The following FMO3 variants were observed in gnomAD, a reference collection of about 807,000 sequenced individuals.
FMO3 encodes flavin containing dimethylaniline monoxygenase 3.
Under a neutral mutation model 39.4 loss-of-function variants are expected in FMO3, and 40 were observed. The observed-to-expected ratio is 1.02, with a 90% CI of 0.79 to 1.32. FMO3 has a LOEUF of 1.32. FMO3 is among the 40% of genes most tolerant of loss of function. FMO3 has a pLI of 0.00. For missense variants in FMO3, 680 were observed against 651.8 expected (o/e 1.04, Z -0.47); for synonymous variants, 219 against 228.8 (o/e 0.96, Z 0.39).
rs74121637 is a variant in FMO3 at position 171,091,714 on chromosome 1, A to G, written c.-7+733A>G. On this transcript the variant is annotated intron_variant, in intron 1 of 8. Coordinates refer to ENST00000367755, the MANE Select transcript of FMO3 (RefSeq NM_001002294.3). ...AGCGATACCCCAGCTCAACAGGACT[A>G]TATAATCCCAGAGTAGCTGGGACTA... 2.2e-3 allele frequency among the ~76,000 whole-genome samples: 336 copies of G among 152,156 alleles called. 2 individuals are homozygous for G. Among genetic ancestry groups the G allele is most frequent in the African/African-American group, 7.8e-3 (323 of 41,504 alleles).
At chr1:171,098,660 A>C (rs1301308681) in intron 2 of FMO3, among the ~76,000 whole-genome samples, 2 of 152,174 alleles carry the variant, frequency 1.3e-5, no homozygotes, top group Non-Finnish European at 2.9e-5. Context: ...GATTTTGCTG[A>C]AGTAGCTTAT....
At chr1:171,113,888 T>C (rs1656020553) in intron 6 of FMO3, 119 bp from the exon 7 acceptor site, 2 of 652,286 alleles carry the variant, frequency 3.1e-6, no homozygotes, top group Non-Finnish European at 2.6e-6. Context: ...GGAGATACTC[T>C]ATGCCTCAGA....
At position 171,113,841 on chromosome 1, in the gene FMO3, A is replaced by G. The variant is rs376840094; in HGVS notation, c.828-166A>G. Among the ~76,000 whole-genome samples the G allele has an allele frequency of 5.3e-5, 8 of 152,188 alleles. No homozygotes were observed. In the South Asian group the frequency reaches 1.5e-3, roughly 28 times the overall value. ...AAATAACAACTTCTCTTACTTCCCAATGTTGCCTCCCATCAATTTTGTTCT... is the reference window on the plus strand; with the variant it reads ...AAATAACAACTTCTCTTACTTCCCAGTGTTGCCTCCCATCAATTTTGTTCT... On this transcript the variant is annotated intron_variant, in intron 6 of 8. Transcript: ENST00000367755.
At chr1:171,101,967 CTCTT>C (rs1655416029) in intron 2 of FMO3, among the ~76,000 whole-genome samples, 1 of 151,938 alleles carries the variant, frequency 6.6e-6, no homozygotes, top group African/African-American at 2.4e-5. Flanking sequence ...TGTTTCTTCT[CTCTT>C]TATGCTGATT....
chr1:171,113,892 C>T (rs1245075672), intron 6 of FMO3, 115 bp from the exon 7 acceptor site: 2 of 671,844 alleles, frequency 3.0e-6, no homozygotes, highest in Non-Finnish European at 5.0e-6. Flanking sequence ...ATACTCTATG[C>T]CTCAGAAAAA....
intron 3 of FMO3, 134 bp downstream of exon 3, chr1:171,104,107 C>G: frequency 1.3e-6 from 1 of 741,372 alleles, no homozygotes; most frequent in East Asian, 2.7e-5. Flanking sequence ...CTCTCTAACT[C>G]TAGGTTTAGA....
chr1:171,110,333 G>A lies in FMO3; in HGVS notation c.628-465G>A, dbSNP rs75602208. On this transcript the variant is annotated intron_variant, in intron 5 of 8. Coordinates refer to ENST00000367755, the MANE Select transcript of FMO3 (RefSeq NM_001002294.3). ...CTAGGGAAAACGTGACTAGAATTCA[G>A]TTATTAGTCACCTGTAGCAGAGATT... is the stretch of plus-strand genomic sequence containing the variant. Among the ~76,000 whole-genome samples, 578 of 152,274 alleles carry A rather than the reference G, an allele frequency of 3.8e-3. 5 individuals carry two copies. Among genetic ancestry groups the A allele is most frequent in the Middle Eastern group, 0.027 (8 of 294 alleles).
intron 3 of FMO3, among the ~76,000 whole-genome samples, chr1:171,105,816 A>G (rs1436088159): frequency 6.6e-6 from 1 of 152,140 alleles, no homozygotes; most frequent in Admixed American, 6.5e-5. Context: ...CTATTTATGC[A>G]TGAAAGATAA....
chr1:171,109,191 AT>A (rs1365116886), intron 5 of FMO3, among the ~76,000 whole-genome samples: 1 of 152,186 alleles, frequency 6.6e-6, no homozygotes, highest in African/African-American at 2.4e-5. Flanking sequence ...CTTGAAAGTC[AT>A]TGAGAAAATT....
intron 3 of FMO3, among the ~76,000 whole-genome samples, chr1:171,106,422 A>G (rs1489351569): frequency 6.6e-6 from 1 of 152,110 alleles, no homozygotes; most frequent in Non-Finnish European, 1.5e-5. Flanking sequence ...TTACAGGCGT[A>G]AGCCACCATG....
chr1:171,106,109 A>AT (rs995458931), intron 3 of FMO3, among the ~76,000 whole-genome samples: 2 of 151,618 alleles, frequency 1.3e-5, no homozygotes, highest in African/African-American at 2.4e-5. Flanking sequence ...TAAATTATAC[A>AT]TTTTTTTCAG....
intron 2 of FMO3, among the ~76,000 whole-genome samples, chr1:171,102,389 G>T (rs1016168812): frequency 2.6e-5 from 4 of 152,106 alleles, no homozygotes; most frequent in Non-Finnish European, 5.9e-5. Context: ...CTTCAACAGA[G>T]CTAAACCAAG....
At chr1:171,096,537 AAATACATACTATACTT>A (rs1194097171) in intron 2 of FMO3, among the ~76,000 whole-genome samples, 2 of 68,664 alleles carry the variant, frequency 2.9e-5, no homozygotes, top group East Asian at 1.1e-3. Context: ...TTTATATATT[AAATACATACTATACTT>A]TATATATTAA....
intron 3 of FMO3, among the ~76,000 whole-genome samples, chr1:171,104,371 A>G (rs924579796): frequency 2.0e-5 from 3 of 152,118 alleles, no homozygotes; most frequent in African/African-American, 7.2e-5. Flanking sequence ...AAACATAGGA[A>G]GCTATATTTT....
chr1:171,115,616 G>T (rs772941926), intron 7 of FMO3, among the ~76,000 whole-genome samples: 1 of 152,112 alleles, frequency 6.6e-6, no homozygotes, highest in Non-Finnish European at 1.5e-5. Context: ...AGTATTTCTG[G>T]ACACAAAAGG....
chr1:171,115,921 GC>G (rs1256187229), intron 7 of FMO3, among the ~76,000 whole-genome samples: 1 of 152,036 alleles, frequency 6.6e-6, no homozygotes, highest in Non-Finnish European at 1.5e-5. Flanking sequence ...CCTCTGTTTG[GC>G]TATAATTTAA....
At chr1:171,103,740 T>C (rs778052785) in intron 2 of FMO3, 45 bp from the exon 3 acceptor site, 2 of 1,464,882 alleles carry the variant, frequency 1.4e-6, no homozygotes, top group African/African-American at 2.8e-5. Flanking sequence ...ATGATCAGTA[T>C]ACTCATTTAC....
intron 7 of FMO3, 24 bp from the exon 8 acceptor site, chr1:171,116,184 A>G (rs1656141526): frequency 6.8e-7 from 1 of 1,476,064 alleles, no homozygotes; most frequent in Non-Finnish European, 9.5e-7. Context: ...ATTAATTACC[A>G]TCGTGTCTTT....
Position 171,114,209 on chromosome 1 carries a change from A to C in FMO3, c.1030A>C (p.Lys344Gln). The C allele has an allele frequency of 6.2e-7, 1 of 1,614,074 alleles. No homozygotes were observed. Among genetic ancestry groups the C allele is most frequent in the Non-Finnish European group, 8.5e-7 (1 of 1,179,966 alleles). ...AYPFLDESII[K>Q]SRNNEIILFK... ...CCCCTTCCTTGATGAGTCTATCATC[A>C]AAAGCAGAAACAATGAGATCATTTT... The change falls in exon 7 of 9, where the codon AAA becomes CAA. Residue 344 changes from lysine (K) to glutamine (Q), a missense_variant. By Grantham distance (53) the Lys-to-Gln change is moderately conservative (BLOSUM62 1). Coordinates refer to ENST00000367755, the MANE Select transcript of FMO3 (RefSeq NM_001002294.3).
Sources: gnomAD v4.1 joint callset for allele counts (sites outside exome capture counted in the v4.1 genomes callset) on GRCh38, gnomAD v4.1.1 for gene constraint, MANE v1.5 for transcripts, NCBI Gene and HGNC (gene_info 2026-07-23, HGNC 2026-07-21) for gene names.